The following INPP4B variants were observed in gnomAD, a reference collection of about 807,000 sequenced individuals.
INPP4B encodes the protein inositol polyphosphate 4-phosphatase type II.
A neutral mutation model predicts 122.5 loss-of-function variants in INPP4B; 55 were observed. The ratio of observed to expected loss-of-function variants is 0.45; its 90% confidence interval spans 0.36 to 0.56. INPP4B has a LOEUF of 0.56. Among genes scored for constraint, INPP4B ranks in the 20% least tolerant of loss-of-function variants. The pLI is 0.00. For synonymous variants in INPP4B, 403 were observed against 388.7 expected, an observed-to-expected ratio of 1.04 and a Z score of -0.43; for missense variants, 1,000 against 1,097.7, an observed-to-expected ratio of 0.91 and a Z score of 1.26.
chr4:142,153,915 T>C (rs960495205), intron 17 of INPP4B, among the ~76,000 whole-genome samples: 5 of 152,226 alleles, frequency 3.3e-5, no homozygotes, highest in African/African-American at 9.6e-5. Flanking sequence ...CATTTGTGCA[T>C]TTTAATGGAC....
At chr4:142,362,201 C>T (rs950649482) in intron 7 of INPP4B, among the ~76,000 whole-genome samples, 1 of 152,016 alleles carries the variant, frequency 6.6e-6, no homozygotes, top group Non-Finnish European at 1.5e-5. Context: ...GCTGGAGAAA[C>T]TCAGAAGGCA....
chr4:142,136,192 C>T (rs542668354), intron 18 of INPP4B, among the ~76,000 whole-genome samples: 20 of 152,148 alleles, frequency 1.3e-4, no homozygotes, highest in African/African-American at 3.4e-4. Flanking sequence ...CCTGGCTCTT[C>T]GGCACTGGCA....
intron 15 of INPP4B, among the ~76,000 whole-genome samples, chr4:142,186,692 G>A (rs1833337437): frequency 6.6e-6 from 1 of 152,170 alleles, no homozygotes; most frequent in Middle Eastern, 3.4e-3. Context: ...TGAATTTGTG[G>A]GCCATAAACA....
At chr4:142,351,165 T>C (rs1781815324) in intron 7 of INPP4B, among the ~76,000 whole-genome samples, 1 of 151,994 alleles carries the variant, frequency 6.6e-6, no homozygotes, top group Admixed American at 6.6e-5. Flanking sequence ...ATGTTCCCTC[T>C]GCAGAATGAA....
At chr4:142,172,674 A>G (rs557948972) in intron 16 of INPP4B, among the ~76,000 whole-genome samples, 1 of 152,178 alleles carries the variant, frequency 6.6e-6, no homozygotes, top group East Asian at 1.9e-4. Context: ...AATGTTAAAT[A>G]AGCATAAGAT....
intron 18 of INPP4B, among the ~76,000 whole-genome samples, chr4:142,143,525 T>C (rs1161056447): frequency 6.6e-6 from 1 of 152,000 alleles, no homozygotes; most frequent in African/African-American, 2.4e-5. Context: ...ACACATGCAT[T>C]GAGACATCAC....
intron 23 of INPP4B, among the ~76,000 whole-genome samples, chr4:142,106,186 A>G (rs1787004835): frequency 6.6e-6 from 1 of 152,238 alleles, no homozygotes; most frequent in Non-Finnish European, 1.5e-5. Context: ...GGTTTTATAC[A>G]AAATTCCGTC....
intron 5 of INPP4B, among the ~76,000 whole-genome samples, chr4:142,412,487 C>CAATTATATATAGTA (rs1804828218): frequency 6.6e-6 from 1 of 152,058 alleles, no homozygotes. Flanking sequence ...CATGATAATT[C>CAATTATATATAGTA]AATTATATAT....
chr4:142,586,056 TC>T (rs1736125065), intron 2 of INPP4B, among the ~76,000 whole-genome samples: 1 of 152,002 alleles, frequency 6.6e-6, no homozygotes, highest in Non-Finnish European at 1.5e-5. Context: ...ATGCCTGTAA[TC>T]CCATCACCTT....
chr4:142,443,860 A>C (rs532623628), intron 3 of INPP4B, among the ~76,000 whole-genome samples: 11 of 152,268 alleles, frequency 7.2e-5, no homozygotes, highest in Non-Finnish European at 1.5e-4. Flanking sequence ...GGGAGAAAGA[A>C]GAGGAAGAGA....
intron 15 of INPP4B, among the ~76,000 whole-genome samples, chr4:142,182,349 C>T (rs1472648536): frequency 1.3e-5 from 2 of 151,924 alleles, no homozygotes; most frequent in African/African-American, 4.8e-5. Flanking sequence ...GAGATTGAGA[C>T]CAACCTGGCT....
At chr4:142,272,114 ATTTGT>A (rs2150592453) in intron 9 of INPP4B, among the ~76,000 whole-genome samples, 1 of 152,268 alleles carries the variant, frequency 6.6e-6, no homozygotes, top group South Asian at 2.1e-4. Flanking sequence ...CTTTCATGAA[ATTTGT>A]TTTCAACTTT....
chr4:142,685,739 G>C (rs932717629), intron 2 of INPP4B, among the ~76,000 whole-genome samples: 4 of 152,060 alleles, frequency 2.6e-5, no homozygotes, highest in African/African-American at 9.7e-5. Flanking sequence ...CCCCCTGGGA[G>C]ACAGAGTTAG....
At chr4:142,638,410 T>C (rs1021339294) in intron 2 of INPP4B, among the ~76,000 whole-genome samples, 1 of 152,214 alleles carries the variant, frequency 6.6e-6, no homozygotes, top group Non-Finnish European at 1.5e-5. Context: ...TTTGCCTGTG[T>C]TATTGTAGTA....
intron 14 of INPP4B, 88 bp from the exon 15 acceptor site, chr4:142,193,283 A>G: frequency 1.4e-6 from 1 of 701,388 alleles, no homozygotes; most frequent in South Asian, 2.1e-5. Flanking sequence ...TATTGTAGGA[A>G]GTATGAGAAA....
chr4:142,025,611 A>T lies in INPP4B; in HGVS notation c.*3171T>A, dbSNP rs1470171972. ...TGGGAAGAAAGGCATTACTTTATAC[A>T]CATCAGTTTCTCTCCTTTTTTACCT... On this transcript the variant is annotated 3_prime_UTR_variant, in exon 26 of 26. Coordinates refer to ENST00000262992, the MANE Select transcript of INPP4B (RefSeq NM_001101669.3). 1 of 152,170 alleles carries T rather than the reference A, an allele frequency of 6.6e-6. No homozygotes were observed. The highest frequency in any genetic ancestry group is 2.4e-5 in the African/African-American group (1 of 41,444). The allele number at this position is 152,170 out of a possible 1,614,324, so 9.4% of individuals were successfully genotyped here.
intron 2 of INPP4B, among the ~76,000 whole-genome samples, chr4:142,681,098 A>G (rs1296216876): frequency 6.6e-6 from 1 of 151,880 alleles, no homozygotes; most frequent in Non-Finnish European, 1.5e-5. Context: ...TCAAGTCTAT[A>G]TATAATGCAT....
At position 142,653,078 on chromosome 4, in the gene INPP4B, C is replaced by T. The variant is rs191362159; in HGVS notation, c.-191+72761G>A. On this transcript the variant is annotated intron_variant, in intron 2 of 25. Transcript: ENST00000262992. ...CCTCAGAAATAACACCACACATCTA[C>T]AACCATCTGATCTTTGACAAACCTG... 2.0e-3 allele frequency among the ~76,000 whole-genome samples: 310 copies of T among 152,306 alleles called. 3 individuals carry two copies. The highest frequency in any genetic ancestry group is 6.8e-3 in the Middle Eastern group (2 of 294).
rs183023582 is a variant in INPP4B, at chr4:142,033,101, T to A, written c.2643-4187A>T. 2.6e-5 allele frequency among the ~76,000 whole-genome samples: 4 copies of A among 152,266 alleles called. No homozygotes were observed. In the East Asian group the frequency reaches 7.7e-4, roughly 29 times the overall value. ...AGAAAAAGAAAAGGAATCTGAACAA[T>A]TGCTCATCTGAGGGCCATGTGGGTC... On this transcript the variant is annotated intron_variant, in intron 25 of 25. Transcript: ENST00000262992.
Sources: gnomAD v4.1 joint callset for allele counts (sites outside exome capture counted in the v4.1 genomes callset) on GRCh38, gnomAD v4.1.1 for gene constraint, MANE v1.5 for transcripts, NCBI Gene and HGNC (gene_info 2026-07-23, HGNC 2026-07-21) for gene names.